TMCO1: variants seen among roughly 807,000 people sequenced by gnomAD.
TMCO1 encodes the protein transmembrane and coiled-coil domains 1.
In TMCO1, 29 loss-of-function variants were observed where a neutral mutation model predicts 29.3. That is an observed-to-expected ratio of 0.99 (90% CI 0.74 to 1.35). TMCO1 has a LOEUF of 1.35. Ranked by LOEUF, TMCO1 falls within the 40% of genes most tolerant of loss-of-function variation. The pLI is 0.00. For missense variants in TMCO1, 173 were observed against 225.5 expected (o/e 0.77, Z 1.49); for synonymous variants, 80 against 77.1 (o/e 1.04, Z -0.20).
chr1:165,735,842 G>A (rs1651355430), intron 6 of TMCO1, among the ~76,000 whole-genome samples: 1 of 152,124 alleles, frequency 6.6e-6, no homozygotes, highest in South Asian at 2.1e-4. Flanking sequence ...TATGTACAAG[G>A]CAGCCAATAA....
intron 6 of TMCO1, among the ~76,000 whole-genome samples, chr1:165,730,944 G>C (rs1651137969): frequency 6.6e-6 from 1 of 151,470 alleles, no homozygotes; most frequent in Non-Finnish European, 1.5e-5. Context: ...TCTGTCGCCA[G>C]GCTGGAGTGC....
chr1:165,726,249 T>A, downstream of TMCO1: 2 of 699,266 alleles, frequency 2.9e-6, no homozygotes, highest in East Asian at 5.4e-5. Flanking sequence ...TTATCAGACA[T>A]CCTTCTGATA....
At chr1:165,767,840 C>T (rs7518309) in intron 2 of TMCO1, among the ~76,000 whole-genome samples, 36,213 of 151,990 alleles carry the variant, frequency 0.24, 4,519 homozygotes, top group South Asian at 0.34. Context: ...CCACCATACC[C>T]AGCTAATTTT....
chr1:165,765,175 T>C (rs577562966), intron 2 of TMCO1, among the ~76,000 whole-genome samples: 1 of 152,314 alleles, frequency 6.6e-6, no homozygotes, highest in African/African-American at 2.4e-5. Context: ...AATAACATGA[T>C]AAATAAGTAA....
chr1:165,764,855 C>T (rs890400994), intron 2 of TMCO1, among the ~76,000 whole-genome samples: 2 of 152,084 alleles, frequency 1.3e-5, no homozygotes, highest in African/African-American at 4.8e-5. Context: ...TGAGTGGCTG[C>T]AGATGGACCA....
At chr1:165,764,261 T>C (rs1230875401) in intron 2 of TMCO1, among the ~76,000 whole-genome samples, 1 of 152,254 alleles carries the variant, frequency 6.6e-6, no homozygotes, top group Non-Finnish European at 1.5e-5. Context: ...AGATAATTTA[T>C]TAAATACACA....
At chr1:165,729,105 A>T (rs1427713227) in intron 6 of TMCO1, among the ~76,000 whole-genome samples, 10 of 4,490 alleles carry the variant, frequency 2.2e-3, no homozygotes, top group African/African-American at 6.3e-3. Flanking sequence ...ATTCTGTCTA[A>T]AAAAAAAAAA....
intron 2 of TMCO1, among the ~76,000 whole-genome samples, chr1:165,766,956 TAACGAG>T (rs1326101371): frequency 6.6e-6 from 1 of 152,080 alleles, no homozygotes; most frequent in East Asian, 1.9e-4. Flanking sequence ...AAGGTAAAGA[TAACGAG>T]TTTGGCCCAG....
In TMCO1 at chr1:165,761,747, G is replaced by A. The variant is rs538887594; in HGVS notation, c.149-2163C>T. Reference sequence around the variant, plus strand: ...GAAGATCATTTCAGTTCAGGAGTTCGAGATCAGCATGGGCAACACGGTGAA... The same window carrying A: ...GAAGATCATTTCAGTTCAGGAGTTCAAGATCAGCATGGGCAACACGGTGAA... On this transcript the variant is annotated intron_variant, in intron 2 of 6. Transcript: ENST00000367881. 1.6e-4 allele frequency among the ~76,000 whole-genome samples: 25 copies of A among 151,898 alleles called. No individual in the cohort carries two copies. In the South Asian group the frequency reaches 5.0e-3, roughly 30 times the overall value.
At position 165,727,025 on chromosome 1, in the gene TMCO1, A is replaced by AT; in HGVS notation, c.*997dup. 1 of 454,120 alleles carries AT rather than the reference A, an allele frequency of 2.2e-6. No homozygotes were observed. The highest frequency in any genetic ancestry group is 1.6e-5 in the South Asian group (1 of 64,474). 28.1% of individuals were successfully genotyped at this position (454,120 alleles called of 1,614,324 possible). Reference sequence around the variant, plus strand: ...TTAAGTAGACATTTGATGAATGTGCATATTTATTGATAAGACTCCACACAG... The same window carrying AT: ...TTAAGTAGACATTTGATGAATGTGCATTATTTATTGATAAGACTCCACACAG... On this transcript the variant is annotated 3_prime_UTR_variant, in exon 7 of 7. Transcript: ENST00000367881.
chr1:165,743,521 A>C (rs1009686597), intron 5 of TMCO1, among the ~76,000 whole-genome samples: 11 of 152,154 alleles, frequency 7.2e-5, no homozygotes, highest in African/African-American at 2.7e-4. Context: ...TTCCTAAATT[A>C]GTCATTCTCA....
chr1:165,734,126 T>C (rs1651279252), intron 6 of TMCO1, among the ~76,000 whole-genome samples: 1 of 152,232 alleles, frequency 6.6e-6, no homozygotes, highest in African/African-American at 2.4e-5. Context: ...ATTCCCACAA[T>C]GTAATCTTTA....
intron 6 of TMCO1, among the ~76,000 whole-genome samples, chr1:165,729,046 C>T (rs948296765): frequency 4.3e-5 from 6 of 140,652 alleles, no homozygotes; most frequent in South Asian, 2.4e-4. Context: ...GCAGAGGCTG[C>T]GTGAGCCAAG....
Position 165,727,319 on chromosome 1 carries a change from TA to T in TMCO1, c.*703del, listed in dbSNP as rs1419048336. On this transcript the variant is annotated 3_prime_UTR_variant, in exon 7 of 7. Coordinates refer to ENST00000367881, the MANE Select transcript of TMCO1 (RefSeq NM_019026.6). ...TTAATTTTTTTTCAGACATCAGTGT[TA>T]CTTGCCAAGACCCTCATTTTTAAAC... 2.2e-6 allele frequency: 1 copy of T among 453,690 alleles called. No homozygotes were observed. The highest frequency in any genetic ancestry group is 6.9e-5 in the East Asian group (1 of 14,390). 28.1% of individuals were successfully genotyped at this position (453,690 alleles called of 1,614,324 possible).
At chr1:165,760,534 C>T (rs908210960) in intron 2 of TMCO1, among the ~76,000 whole-genome samples, 2 of 151,364 alleles carry the variant, frequency 1.3e-5, no homozygotes, top group African/African-American at 2.4e-5. Context: ...CCGGGTGCAG[C>T]GGCTCACACC....
At position 165,727,648 on chromosome 1, in the gene TMCO1, A is replaced by T. The variant is rs1196647963; in HGVS notation, c.*375T>A. 6.6e-6 allele frequency: 3 copies of T among 454,084 alleles called. No individual in the cohort carries two copies. 28.1% of individuals were successfully genotyped at this position (454,084 alleles called of 1,614,324 possible). ...ACAGTTACAAGGGTTAAACAAACTA[A>T]ATTTTTCTTCTAAATCTCTAAATGC... is the stretch of plus-strand genomic sequence containing the variant. On this transcript the variant is annotated 3_prime_UTR_variant, in exon 7 of 7. Transcript: ENST00000367881.
At chr1:165,748,629 T>C (rs879058717) in intron 5 of TMCO1, among the ~76,000 whole-genome samples, 2 of 152,106 alleles carry the variant, frequency 1.3e-5, no homozygotes, top group Admixed American at 6.5e-5. Context: ...GTGATGAGAA[T>C]TGAGTACCAC....
At position 165,743,038 on chromosome 1, in the gene TMCO1, A is replaced by G. The variant is rs149249499; in HGVS notation, c.468+129T>C. On this transcript the variant is annotated intron_variant, in intron 6 of 6. Coordinates refer to ENST00000367881, the MANE Select transcript of TMCO1 (RefSeq NM_019026.6). ...AATGGCTTTTGGAAGATACACTGAA[A>G]TTCTAAAATGAGCAACTGAAAGAAC... 7,719 of 1,152,648 alleles carry G rather than the reference A, an allele frequency of 6.7e-3. 36 individuals are homozygous for G. Among genetic ancestry groups the G allele is most frequent in the Non-Finnish European group, 8.5e-3 (6,749 of 790,218 alleles). The allele number at this position is 1,152,648 out of a possible 1,614,324, so 71.4% of individuals were successfully genotyped here.
At chr1:165,748,321 A>G (rs1414912316) in intron 5 of TMCO1, among the ~76,000 whole-genome samples, 1 of 152,210 alleles carries the variant, frequency 6.6e-6, no homozygotes, top group Non-Finnish European at 1.5e-5. Context: ...GAGACACCTG[A>G]GGGAGCGAAA....
Sources: gnomAD v4.1 joint callset for allele counts (sites outside exome capture counted in the v4.1 genomes callset) on GRCh38, gnomAD v4.1.1 for gene constraint, MANE v1.5 for transcripts, NCBI Gene and HGNC (gene_info 2026-07-23, HGNC 2026-07-21) for gene names.